The following TBC1D32 variants were observed in gnomAD, a reference collection of about 807,000 sequenced individuals.
TBC1D32 encodes the protein protein broad-minded.
In TBC1D32, 151 loss-of-function variants were observed where a neutral mutation model predicts 170.3. The observed-to-expected ratio is 0.89, with a 90% confidence interval of 0.78 to 1.01. The LOEUF is 1.01. Ranked by LOEUF, TBC1D32 falls within the 50% of genes least tolerant of loss-of-function variation. TBC1D32 has a pLI of 0.00. For synonymous variants in TBC1D32, 498 were observed against 488.0 expected (o/e 1.02, Z -0.27); for missense variants, 1,464 against 1,457.1 (o/e 1.00, Z -0.08).
At chr6:121,120,450 G>C (rs928590923) in intron 26 of TBC1D32, among the ~76,000 whole-genome samples, 2 of 151,976 alleles carry the variant, frequency 1.3e-5, no homozygotes, top group African/African-American at 4.8e-5. Context: ...AGAGCTATAC[G>C]AATTGGAGAT....
At chr6:121,245,948 G>A (rs1405865607) in intron 17 of TBC1D32, among the ~76,000 whole-genome samples, 1 of 152,112 alleles carries the variant, frequency 6.6e-6, no homozygotes, top group African/African-American at 2.4e-5. Flanking sequence ...TAAAACCTCA[G>A]TACATCTAAT....
chr6:121,104,416 TTCTC>T (rs1015132493), intron 30 of TBC1D32, among the ~76,000 whole-genome samples: 1 of 151,698 alleles, frequency 6.6e-6, no homozygotes, highest in African/African-American at 2.4e-5. Flanking sequence ...TGTAGAATAA[TTCTC>T]TCTAATAGAC....
At position 121,112,639 on chromosome 6, in the gene TBC1D32, C is replaced by T. The variant is rs375947439; in HGVS notation, c.3190G>A (p.Ala1064Thr). 72 of 1,584,558 alleles carry T rather than the reference C, an allele frequency of 4.5e-5. 1 individual carries two copies. Among genetic ancestry groups the T allele is most frequent in the Non-Finnish European group, 5.9e-5 (69 of 1,166,838 alleles). The part of the protein sequence containing the change: ...SSLLCLQGNY[A>T]GHDWFVSSLF... ...GAAGATACAAACCAGTCATGGCCAG[C>T]ATAATTCCCTTGCAGGCAGACTGAA... The change falls in exon 29 of 32, where the codon GCT (alanine) becomes ACT (threonine). Residue 1064 changes from alanine to threonine, a missense_variant. By Grantham distance (58) the Ala-to-Thr change is moderately conservative. Transcript: ENST00000398212.
chr6:121,279,089 G>T, intron 15 of TBC1D32, 32 bp downstream of exon 15: 2 of 1,570,014 alleles, frequency 1.3e-6, no homozygotes, highest in South Asian at 1.2e-5. Flanking sequence ...ACTATACCTG[G>T]AATAATTATC....
chr6:121,299,693 C>T (rs900095502), intron 9 of TBC1D32, among the ~76,000 whole-genome samples, 188 bp from the exon 10 acceptor site: 1 of 151,966 alleles, frequency 6.6e-6, no homozygotes, highest in African/African-American at 2.4e-5. Context: ...GAATGCAAAT[C>T]GTATCAAAAA....
intron 31 of TBC1D32, among the ~76,000 whole-genome samples, chr6:121,090,584 C>T (rs1384241560): frequency 1.3e-5 from 2 of 152,018 alleles, no homozygotes; most frequent in Non-Finnish European, 2.9e-5. Flanking sequence ...AATATTTTTA[C>T]AATATTTCTT....
intron 30 of TBC1D32, among the ~76,000 whole-genome samples, chr6:121,103,157 A>G (rs1328684920): frequency 6.6e-6 from 1 of 152,158 alleles, no homozygotes; most frequent in Non-Finnish European, 1.5e-5. Flanking sequence ...TAGTTCAACC[A>G]TTGTGGAAGA....
Position 121,080,537 on chromosome 6 carries a change from A to G in TBC1D32, c.*234T>C, listed in dbSNP as rs1775539795. On this transcript the variant is annotated 3_prime_UTR_variant, in exon 32 of 32. Coordinates refer to ENST00000398212, the MANE Select transcript of TBC1D32 (RefSeq NM_152730.6). The stretch of plus-strand genomic sequence containing the variant: ...CCAGGACTAACTCTTAAACATGAAT[A>G]AGAACTAAAAGTAAGCTAGATCTGA... 1 of 444,884 alleles carries G rather than the reference A, an allele frequency of 2.2e-6. No homozygotes were observed. Among genetic ancestry groups the G allele is most frequent in the Non-Finnish European group, 3.8e-6 (1 of 266,160 alleles). The allele number at this position is 444,884 out of a possible 1,614,324, so 27.6% of individuals were successfully genotyped here.
chr6:121,201,614 C>T (rs960037560), intron 22 of TBC1D32, among the ~76,000 whole-genome samples: 1 of 151,314 alleles, frequency 6.6e-6, no homozygotes, highest in Non-Finnish European at 1.5e-5. Context: ...TGAAATTCAG[C>T]AATTCCTTCA....
intron 31 of TBC1D32, among the ~76,000 whole-genome samples, chr6:121,085,734 TA>T (rs1776203049): frequency 6.6e-6 from 1 of 152,066 alleles, no homozygotes; most frequent in Admixed American, 6.6e-5. Context: ...AGAGAGTTTA[TA>T]TAGTGTTTGT....
At chr6:121,139,862 T>C (rs867929922) in intron 24 of TBC1D32, 1 of 152,162 alleles carries the variant, frequency 6.6e-6, no homozygotes, top group Non-Finnish European at 1.5e-5. Flanking sequence ...TATCTATCAT[T>C]AGTTTTGTTA....
chr6:121,220,380 A>T (rs1227793434), intron 21 of TBC1D32, among the ~76,000 whole-genome samples: 1 of 152,226 alleles, frequency 6.6e-6, no homozygotes, highest in Non-Finnish European at 1.5e-5. Flanking sequence ...CAAACCAACC[A>T]CAGCATTCCC....
At chr6:121,280,598 G>A (rs529996837) in intron 14 of TBC1D32, among the ~76,000 whole-genome samples, 27 of 151,898 alleles carry the variant, frequency 1.8e-4, no homozygotes, top group South Asian at 4.2e-4. Flanking sequence ...GTCTAAAGGG[G>A]AATTTTTCAT....
chr6:121,262,855 T>A (rs1256511422), intron 15 of TBC1D32, among the ~76,000 whole-genome samples: 1 of 151,962 alleles, frequency 6.6e-6, no homozygotes, highest in Non-Finnish European at 1.5e-5. Flanking sequence ...ATAAATAAAA[T>A]CCTTTACAGA....
chr6:121,294,693 T>C (rs1805354600), intron 10 of TBC1D32, 33 bp from the exon 11 acceptor site: 1 of 1,502,724 alleles, frequency 6.7e-7, no homozygotes, highest in East Asian at 2.3e-5. Context: ...ATTCCAGAAC[T>C]TTGCAGCCCT....
At chr6:121,158,659 C>A (rs1196114968) in intron 24 of TBC1D32, among the ~76,000 whole-genome samples, 4 of 152,098 alleles carry the variant, frequency 2.6e-5, no homozygotes, top group Non-Finnish European at 5.9e-5. Context: ...GGCTTTGTTT[C>A]TGGGTGCTTT....
intron 20 of TBC1D32, among the ~76,000 whole-genome samples, chr6:121,232,057 A>G (rs1795810673): frequency 6.6e-6 from 1 of 152,064 alleles, no homozygotes; most frequent in Non-Finnish European, 1.5e-5. Context: ...ATGGTTTCAG[A>G]TCTTAGATTT....
chr6:121,236,950 T>G (rs946094205), intron 20 of TBC1D32: 3 of 152,068 alleles, frequency 2.0e-5, no homozygotes, highest in Admixed American at 1.3e-4. Context: ...GGAAAAATAA[T>G]AGGCTTCTAT....
At chr6:121,238,768 T>C (rs111342174) in intron 20 of TBC1D32, among the ~76,000 whole-genome samples, 205 of 152,176 alleles carry the variant, frequency 1.3e-3, no homozygotes, top group African/African-American at 4.8e-3. Flanking sequence ...TTTGTTCCAA[T>C]GATTTTTTTT....
Sources: gnomAD v4.1 joint callset for allele counts (sites outside exome capture counted in the v4.1 genomes callset) on GRCh38, gnomAD v4.1.1 for gene constraint, MANE v1.5 for transcripts, NCBI Gene and HGNC (gene_info 2026-07-23, HGNC 2026-07-21) for gene names.